MARCHF6: variants seen among roughly 807,000 people sequenced by gnomAD.
MARCHF6 encodes the protein E3 ubiquitin-protein ligase MARCHF6.
Under a neutral mutation model 133.7 loss-of-function variants are expected in MARCHF6, and 31 were observed. That is an observed-to-expected ratio of 0.23 (90% CI 0.17 to 0.31). The LOEUF is 0.31. Ranked by LOEUF, MARCHF6 falls within the 10% of genes least tolerant of loss-of-function variation. MARCHF6 has a pLI of 1.00. For missense variants in MARCHF6, 723 were observed against 1,121.6 expected, an observed-to-expected ratio of 0.64 and a Z score of 5.08; for synonymous variants, 395 against 402.5, an observed-to-expected ratio of 0.98 and a Z score of 0.22.
At chr5:10,356,911 T>TTGC (rs752851246) in intron 1 of MARCHF6, among the ~76,000 whole-genome samples, 31 of 152,204 alleles carry the variant, frequency 2.0e-4, no homozygotes, top group Non-Finnish European at 4.1e-4. Flanking sequence ...TACTAATTGT[T>TTGC]TGCTAGATTT....
intron 11 of MARCHF6, 188 bp downstream of exon 11, chr5:10,401,030 A>C (rs1017707558): frequency 3.8e-6 from 2 of 524,876 alleles, no homozygotes; most frequent in African/African-American, 1.9e-5. Context: ...CATGTTGCCA[A>C]CTAATGAAAA....
At chr5:10,400,293 G>A (rs1190914649) in intron 10 of MARCHF6, among the ~76,000 whole-genome samples, 2 of 152,140 alleles carry the variant, frequency 1.3e-5, no homozygotes, top group East Asian at 1.9e-4. Flanking sequence ...TCTGTCCGGG[G>A]CAAGTAGGAC....
intron 25 of MARCHF6, among the ~76,000 whole-genome samples, chr5:10,432,036 A>C (rs1008338586): frequency 1.3e-5 from 2 of 152,272 alleles, no homozygotes; most frequent in South Asian, 4.1e-4. Flanking sequence ...GGAATAAAAC[A>C]GTGACATTAT....
chr5:10,385,562 A>G (rs1421881645), intron 4 of MARCHF6, among the ~76,000 whole-genome samples: 1 of 152,226 alleles, frequency 6.6e-6, no homozygotes, highest in Non-Finnish European at 1.5e-5. Flanking sequence ...ACTACAAGAG[A>G]TAAATACAAA....
At chr5:10,399,836 C>T (rs1170450865) in intron 10 of MARCHF6, among the ~76,000 whole-genome samples, 1 of 152,032 alleles carries the variant, frequency 6.6e-6, no homozygotes, top group Non-Finnish European at 1.5e-5. Flanking sequence ...CCCAACTCAC[C>T]CTATTTGGCC....
At chr5:10,430,755 CA>C (rs1269503439) in intron 25 of MARCHF6, among the ~76,000 whole-genome samples, 1 of 152,136 alleles carries the variant, frequency 6.6e-6, no homozygotes, top group Non-Finnish European at 1.5e-5. Flanking sequence ...TATAGAGGGC[CA>C]CTAGGTTACT....
At chr5:10,420,177 C>T (rs1378814173) in intron 22 of MARCHF6, among the ~76,000 whole-genome samples, 1 of 152,092 alleles carries the variant, frequency 6.6e-6, no homozygotes, top group Non-Finnish European at 1.5e-5. Flanking sequence ...AATGAGTGAC[C>T]CCACAAACAA....
intron 22 of MARCHF6, among the ~76,000 whole-genome samples, chr5:10,419,214 C>T (rs900312063): frequency 2.0e-5 from 3 of 152,168 alleles, no homozygotes; most frequent in Non-Finnish European, 4.4e-5. Flanking sequence ...ACTTTGAGTA[C>T]TTCTACAGCT....
intron 1 of MARCHF6, among the ~76,000 whole-genome samples, chr5:10,369,739 C>T (rs952586929): frequency 2.6e-5 from 4 of 151,896 alleles, no homozygotes; most frequent in African/African-American, 9.7e-5. Context: ...TAGAACCATA[C>T]AGTATGTAGT....
At chr5:10,376,642 C>CTCTG (rs1427018646) in intron 1 of MARCHF6, among the ~76,000 whole-genome samples, 2 of 152,188 alleles carry the variant, frequency 1.3e-5, no homozygotes, top group African/African-American at 4.8e-5. Context: ...AGCAGTTAGG[C>CTCTG]TCTGGATTGC....
At chr5:10,414,554 T>C (rs1235909939) in intron 20 of MARCHF6, 52 bp downstream of exon 20, 2 of 1,407,682 alleles carry the variant, frequency 1.4e-6, no homozygotes, top group South Asian at 1.2e-5. Flanking sequence ...GTTATTTATT[T>C]AGCTATTTGA....
At chr5:10,375,500 C>T (rs1197678774) in intron 1 of MARCHF6, among the ~76,000 whole-genome samples, 1 of 152,258 alleles carries the variant, frequency 6.6e-6, no homozygotes, top group African/African-American at 2.4e-5. Context: ...CTCTGCTCCA[C>T]GGCGCCCAGT....
At chr5:10,413,917 G>T (rs777015633) in intron 19 of MARCHF6, among the ~76,000 whole-genome samples, 98 of 152,170 alleles carry the variant, frequency 6.4e-4, no homozygotes, top group Non-Finnish European at 1.3e-3. Context: ...AGGAGCACTA[G>T]TTTATATGGC....
chr5:10,376,105 A>G (rs893574647), intron 1 of MARCHF6, among the ~76,000 whole-genome samples: 22 of 152,224 alleles, frequency 1.4e-4, no homozygotes, highest in Admixed American at 6.5e-5. Flanking sequence ...CGGAGCCAGC[A>G]GTGGCAAGCT....
At chr5:10,397,505 G>C (rs1462854815) in intron 10 of MARCHF6, among the ~76,000 whole-genome samples, 161 bp downstream of exon 10, 1 of 151,782 alleles carries the variant, frequency 6.6e-6, no homozygotes, top group South Asian at 2.1e-4. Context: ...ATAGGCCCCA[G>C]ACAGACAGAT....
At chr5:10,430,757 C>T (rs1223764928) in intron 25 of MARCHF6, among the ~76,000 whole-genome samples, 1 of 152,214 alleles carries the variant, frequency 6.6e-6, no homozygotes, top group Non-Finnish European at 1.5e-5. Context: ...TAGAGGGCCA[C>T]TAGGTTACTC....
intron 1 of MARCHF6, among the ~76,000 whole-genome samples, chr5:10,370,707 C>T (rs181661282): frequency 1.3e-3 from 190 of 151,704 alleles, no homozygotes; most frequent in African/African-American, 4.5e-3. Context: ...CTGTTGAGAC[C>T]TTGATTAGTA....
intron 23 of MARCHF6, 131 bp from the exon 24 acceptor site, chr5:10,426,259 C>A: frequency 1.0e-6 from 1 of 994,496 alleles, no homozygotes; most frequent in Non-Finnish European, 1.5e-6. Context: ...CCAGAATTTG[C>A]CTTGACTTTA....
In MARCHF6 at chr5:10,394,095, G is replaced by T; in HGVS notation, c.780G>T (p.Trp260Cys). ...TTATATTTTCAGATGACATGAATTGGAATGCTTTAGAATGGGACCGAGCTG... is the reference window on the plus strand; with the variant it reads ...TTATATTTTCAGATGACATGAATTGTAATGCTTTAGAATGGGACCGAGCTG... The part of the protein sequence containing the change: ...ANNGAQDDMN[W>C]NALEWDRAAE... Residue 260 changes from tryptophan (W) to cysteine (C), a missense_variant, in exon 8 of 26, where the codon TGG becomes TGT. Around this residue, in one of 4 missense-constraint regions of MARCHF6, gnomAD observed 43 missense variants for 97.9 expected, o/e 0.44. Coordinates refer to ENST00000274140, the MANE Select transcript of MARCHF6 (RefSeq NM_005885.4). 6.5e-7 allele frequency: 1 copy of T among 1,546,360 alleles called. No individual in the cohort carries two copies. The highest frequency in any genetic ancestry group is 8.7e-7 in the Non-Finnish European group (1 of 1,144,292).
Sources: gnomAD v4.1 joint callset for allele counts (sites outside exome capture counted in the v4.1 genomes callset) on GRCh38, gnomAD v4.1.1 for gene constraint, gnomAD v4.1.1 regional missense constraint, MANE v1.5 for transcripts, NCBI Gene and HGNC (gene_info 2026-07-23, HGNC 2026-07-21) for gene names.